The following IQGAP2 variants were observed in gnomAD, a reference collection of about 807,000 sequenced individuals.
The protein encoded by IQGAP2 is IQ motif containing GTPase activating protein 2.
IQGAP2 carries 173 observed loss-of-function variants against 201.3 expected under a neutral mutation model. That is an observed-to-expected ratio of 0.86 (90% CI 0.76 to 0.98). IQGAP2 has a LOEUF of 0.98. Ranked by LOEUF, IQGAP2 falls within the 50% of genes least tolerant of loss-of-function variation. The pLI is 0.00. For synonymous variants in IQGAP2, 675 were observed against 673.9 expected, an observed-to-expected ratio of 1.00 and a Z score of -0.03; for missense variants, 1,687 against 1,864.8, an observed-to-expected ratio of 0.90 and a Z score of 1.76.
chr5:76,575,660 C>T lies in IQGAP2; in HGVS notation c.382-33C>T, dbSNP rs780286309. On this transcript the variant is annotated intron_variant, in intron 4 of 35. Transcript: ENST00000274364. ...GTTAAAATACTTGTGAGAAGCAAAA[C>T]ATATAATAAATATTGTTTCTTTTGT... is the stretch of plus-strand genomic sequence containing the variant. 9 of 1,391,982 alleles carry T rather than the reference C, an allele frequency of 6.5e-6. No individual in the cohort carries two copies. In the Admixed American group the frequency reaches 1.5e-4, roughly 23 times the overall value. The allele number at this position is 1,391,982 out of a possible 1,614,324, so 86.2% of individuals were successfully genotyped here. A position where few individuals can be genotyped will look rare whatever the true frequency, so the allele number is the denominator to read the frequency against.
intron 4 of IQGAP2, among the ~76,000 whole-genome samples, chr5:76,571,506 A>G (rs1180646600): frequency 6.6e-6 from 1 of 152,184 alleles, no homozygotes; most frequent in African/African-American, 2.4e-5. Flanking sequence ...ATTATAAATC[A>G]TAATATCACT....
At chr5:76,448,499 A>G (rs1021897741) in intron 1 of IQGAP2, among the ~76,000 whole-genome samples, 1 of 152,118 alleles carries the variant, frequency 6.6e-6, no homozygotes, top group African/African-American at 2.4e-5. Context: ...CTGGCTTGGG[A>G]TCTGGAGTAG....
At chr5:76,611,899 C>G (rs758685950) in intron 13 of IQGAP2, among the ~76,000 whole-genome samples, 1 of 152,132 alleles carries the variant, frequency 6.6e-6, no homozygotes, top group Admixed American at 6.5e-5. Context: ...TGGGACCTAG[C>G]TACTTATGGC....
At chr5:76,667,187 A>T (rs2150472378) in intron 22 of IQGAP2, among the ~76,000 whole-genome samples, 1 of 152,308 alleles carries the variant, frequency 6.6e-6, no homozygotes, top group African/African-American at 2.4e-5. Flanking sequence ...TTAGTTATAG[A>T]GTAAGTTTCC....
At chr5:76,619,547 C>T (rs1384243094) in intron 13 of IQGAP2, among the ~76,000 whole-genome samples, 7 of 134,090 alleles carry the variant, frequency 5.2e-5, no homozygotes, top group Non-Finnish European at 1.1e-4. Context: ...GAGACAGTCT[C>T]ACTCTGTCGC....
At chr5:76,507,873 G>A (rs1166499522) in intron 2 of IQGAP2, among the ~76,000 whole-genome samples, 1 of 152,026 alleles carries the variant, frequency 6.6e-6, no homozygotes, top group Admixed American at 6.6e-5. Context: ...GCTGGGCGTG[G>A]TGACACGCGC....
chr5:76,692,300 T>C (rs1036194319), intron 30 of IQGAP2, among the ~76,000 whole-genome samples: 13 of 152,280 alleles, frequency 8.5e-5, no homozygotes, highest in African/African-American at 3.1e-4. Context: ...TACAGGCACA[T>C]GCCACCATGC....
chr5:76,577,815 T>A (rs940343956), intron 5 of IQGAP2, among the ~76,000 whole-genome samples: 8 of 152,248 alleles, frequency 5.3e-5, no homozygotes, highest in African/African-American at 1.9e-4. Flanking sequence ...AACTAACATG[T>A]CTTCAGCTTT....
At chr5:76,603,936 A>C (rs2150327417) in intron 11 of IQGAP2, among the ~76,000 whole-genome samples, 1 of 152,286 alleles carries the variant, frequency 6.6e-6, no homozygotes, top group South Asian at 2.1e-4. Flanking sequence ...GAAATACTCA[A>C]TTGGAAAAGC....
At chr5:76,519,055 ATC>A (rs1758514229) in intron 2 of IQGAP2, among the ~76,000 whole-genome samples, 2 of 152,062 alleles carry the variant, frequency 1.3e-5, no homozygotes, top group African/African-American at 2.4e-5. Flanking sequence ...ATCTTTTTCC[ATC>A]TCTTTTTATT....
intron 11 of IQGAP2, among the ~76,000 whole-genome samples, chr5:76,603,156 G>A (rs907792353): frequency 2.0e-5 from 3 of 152,148 alleles, no homozygotes; most frequent in Middle Eastern, 3.2e-3. Flanking sequence ...AAGTCCAAGT[G>A]TACTTTCTGG....
intron 1 of IQGAP2, among the ~76,000 whole-genome samples, chr5:76,420,454 C>T (rs936109225): frequency 6.6e-6 from 1 of 150,790 alleles, no homozygotes; most frequent in African/African-American, 2.4e-5. Context: ...CGGCTCACTG[C>T]AATCTCCGCC....
chr5:76,443,159 A>G (rs1489781310), intron 1 of IQGAP2, among the ~76,000 whole-genome samples: 1 of 152,262 alleles, frequency 6.6e-6, no homozygotes, highest in Non-Finnish European at 1.5e-5. Context: ...ATTGCCCTAC[A>G]GAGAGTGACA....
intron 25 of IQGAP2, 156 bp from the exon 26 acceptor site, chr5:76,673,796 C>A: frequency 1.5e-6 from 1 of 679,134 alleles, no homozygotes; most frequent in Non-Finnish European, 2.5e-6. Context: ...CAGTTATTAT[C>A]ATCAGTGGAA....
intron 1 of IQGAP2, among the ~76,000 whole-genome samples, chr5:76,429,596 ATGTATATT>A (rs1752230888): frequency 3.6e-5 from 3 of 83,318 alleles, no homozygotes; most frequent in South Asian, 3.8e-4. Context: ...ATATATATAT[ATGTATATT>A]TATATATATA....
chr5:76,580,367 A>C (rs1353459011), intron 5 of IQGAP2, among the ~76,000 whole-genome samples: 1 of 152,130 alleles, frequency 6.6e-6, no homozygotes, highest in Non-Finnish European at 1.5e-5. Flanking sequence ...CAGGAGGCGG[A>C]GATCACAATA....
chr5:76,478,605 G>A (rs576438365), intron 2 of IQGAP2, among the ~76,000 whole-genome samples: 35 of 152,276 alleles, frequency 2.3e-4, no homozygotes, highest in Admixed American at 5.2e-4. Flanking sequence ...TGTAATCCCA[G>A]CTACAGGCCG....
intron 2 of IQGAP2, among the ~76,000 whole-genome samples, chr5:76,520,438 A>T (rs1758601670): frequency 6.6e-6 from 1 of 152,238 alleles, no homozygotes; most frequent in Non-Finnish European, 1.5e-5. Flanking sequence ...CTGGGATTAC[A>T]AGCGTGAGCC....
Position 76,689,230 on chromosome 5 carries a change from T to TAAAA in IQGAP2, c.3906-4102_3906-4099dup, listed in dbSNP as rs11424254. Among the ~76,000 whole-genome samples the TAAAA allele has an allele frequency of 2.0e-4, 17 of 86,478 alleles. No individual in the cohort carries two copies. The South Asian group carries it at 2.1e-3, about 11-fold the overall frequency. 56.7% of individuals were successfully genotyped at this position (86,478 alleles called of 152,430 possible). Reference sequence around the variant, plus strand: ...TAATACTACCAAGCACAGGGATATTTAAAAAAAAAAAAAAAAAAAAAAAAA... The same window carrying TAAAA: ...TAATACTACCAAGCACAGGGATATTTAAAAAAAAAAAAAAAAAAAAAAAAAAAAA... On this transcript the variant is annotated intron_variant, in intron 30 of 35. Coordinates refer to ENST00000274364, the MANE Select transcript of IQGAP2 (RefSeq NM_006633.5).
Sources: gnomAD v4.1 joint callset for allele counts (sites outside exome capture counted in the v4.1 genomes callset) on GRCh38, gnomAD v4.1.1 for gene constraint, MANE v1.5 for transcripts, NCBI Gene and HGNC (gene_info 2026-07-23, HGNC 2026-07-21) for gene names.